The following GPM6A variants were observed in gnomAD, a reference collection of about 807,000 sequenced individuals.
GPM6A encodes the protein neuronal membrane glycoprotein M6-a.
In GPM6A, 7 loss-of-function variants were observed where a neutral mutation model predicts 32.1. That is an observed-to-expected ratio of 0.22 (90% CI 0.12 to 0.41). The LOEUF (loss-of-function observed/expected upper bound fraction) is 0.41. Among genes scored for constraint, GPM6A ranks in the 10% least tolerant of loss-of-function variants. The probability of loss-of-function intolerance (pLI) is 1.00; values close to 1 mark genes in which losing one functional copy is unlikely to be tolerated. For synonymous variants in GPM6A, 130 were observed against 123.4 expected (o/e 1.05, Z -0.35); for missense variants, 235 against 347.2 (o/e 0.68, Z 2.57).
At chr4:175,703,296 C>T (rs552752480) in intron 1 of GPM6A, among the ~76,000 whole-genome samples, 2 of 152,116 alleles carry the variant, frequency 1.3e-5, no homozygotes, top group East Asian at 1.9e-4. Context: ...CTCAGCCTCC[C>T]GAGTAGCTGG....
At chr4:175,789,564 A>G (rs1409100195) in intron 1 of GPM6A, among the ~76,000 whole-genome samples, 1 of 152,212 alleles carries the variant, frequency 6.6e-6, no homozygotes, top group Non-Finnish European at 1.5e-5. Flanking sequence ...GGTATGAGAA[A>G]TCAGGGAACA....
intron 1 of GPM6A, among the ~76,000 whole-genome samples, chr4:175,855,213 A>C (rs1487287425): frequency 2.6e-5 from 4 of 152,228 alleles, no homozygotes; most frequent in African/African-American, 9.6e-5. Flanking sequence ...CTCAAAAAGA[A>C]AGAAAATAAT....
At chr4:175,865,565 A>G (rs760106590) in intron 1 of GPM6A, among the ~76,000 whole-genome samples, 2 of 152,166 alleles carry the variant, frequency 1.3e-5, no homozygotes, top group Non-Finnish European at 2.9e-5. Context: ...CATGAACATG[A>G]TATATTTCTT....
chr4:175,695,594 A>G (rs1744533333), intron 2 of GPM6A, among the ~76,000 whole-genome samples: 1 of 152,226 alleles, frequency 6.6e-6, no homozygotes, highest in Admixed American at 6.5e-5. Context: ...TATTTACCCA[A>G]TGCCTGTAAC....
At chr4:175,835,628 T>TAA (rs1491310673) in intron 1 of GPM6A, among the ~76,000 whole-genome samples, 1 of 41,514 alleles carries the variant, frequency 2.4e-5, no homozygotes, top group Non-Finnish European at 5.9e-5. Flanking sequence ...TGAGTGTGTG[T>TAA]ATATATATAT....
chr4:175,782,313 G>A (rs1733642459), intron 1 of GPM6A, among the ~76,000 whole-genome samples: 1 of 151,838 alleles, frequency 6.6e-6, no homozygotes, highest in African/African-American at 2.4e-5. Context: ...TTTTCATTAT[G>A]GAATATCACG....
At chr4:175,960,951 G>A (rs1454561954) in intron 1 of GPM6A, among the ~76,000 whole-genome samples, 1 of 152,124 alleles carries the variant, frequency 6.6e-6, no homozygotes, top group Admixed American at 6.6e-5. Flanking sequence ...ATGAATTAGG[G>A]ACAAAAGCAA....
chr4:175,989,941 G>A (rs1741086595), intron 1 of GPM6A, among the ~76,000 whole-genome samples: 2 of 152,152 alleles, frequency 1.3e-5, no homozygotes, highest in African/African-American at 2.4e-5. Context: ...AAGAAGTGGT[G>A]TAACATCTAT....
At chr4:175,826,371 G>C (rs963865424) in intron 1 of GPM6A, among the ~76,000 whole-genome samples, 1 of 151,622 alleles carries the variant, frequency 6.6e-6, no homozygotes, top group African/African-American at 2.4e-5. Context: ...TTAGGGACAA[G>C]ATTGAGACAC....
intron 1 of GPM6A, among the ~76,000 whole-genome samples, chr4:175,782,093 G>A (rs12641890): frequency 0.97 from 147,721 of 152,198 alleles, 71,856 homozygotes; most frequent in East Asian, 1. Flanking sequence ...GTAAGGCTCT[G>A]TAAGTGCTGG....
In GPM6A at chr4:175,648,404, T is replaced by G. The variant is rs536040214; in HGVS notation, c.541+3430A>C. On this transcript the variant is annotated intron_variant, in intron 4 of 6. Transcript: ENST00000393658. ...CAGAATTGTCAGGGAGAGGCAACTT[T>G]GCTGGCTTTGACAGAAAATGGACTG... Among the ~76,000 whole-genome samples, 13 of 152,304 alleles carry G rather than the reference T, an allele frequency of 8.5e-5. No homozygotes were observed. The South Asian group carries it at 2.7e-3, about 32-fold the overall frequency.
intron 1 of GPM6A, among the ~76,000 whole-genome samples, chr4:175,958,558 T>C (rs979553978): frequency 6.6e-6 from 1 of 152,200 alleles, no homozygotes; most frequent in African/African-American, 2.4e-5. Context: ...TAAACAAAGG[T>C]ATTGGTCTTC....
intron 1 of GPM6A, among the ~76,000 whole-genome samples, chr4:175,940,484 C>T (rs1388803091): frequency 6.6e-6 from 1 of 152,074 alleles, no homozygotes; most frequent in East Asian, 1.9e-4. Context: ...ATTTCTAATA[C>T]TCTAAAAGTT....
intron 1 of GPM6A, among the ~76,000 whole-genome samples, chr4:175,861,437 A>C (rs964927644): frequency 6.7e-5 from 10 of 149,548 alleles, no homozygotes; most frequent in Admixed American, 2.0e-4. Context: ...ATTCAAACTA[A>C]AAAAAAAAAC....
At chr4:175,806,249 G>A (rs1734690666) in intron 1 of GPM6A, among the ~76,000 whole-genome samples, 1 of 152,102 alleles carries the variant, frequency 6.6e-6, no homozygotes, top group South Asian at 2.1e-4. Flanking sequence ...GATGAATTAA[G>A]GAATAATTAA....
intron 1 of GPM6A, among the ~76,000 whole-genome samples, chr4:175,737,351 T>C (rs368730569): frequency 6.6e-6 from 1 of 151,998 alleles, no homozygotes. Context: ...CCTGCACGCC[T>C]GTAATCCTGT....
At chr4:175,714,046 G>T (rs976330150) in intron 1 of GPM6A, among the ~76,000 whole-genome samples, 1 of 151,646 alleles carries the variant, frequency 6.6e-6, no homozygotes, top group Non-Finnish European at 1.5e-5. Context: ...TTACCTATTT[G>T]TGGATGGGTA....
At chr4:175,653,501 A>C (rs1174704637) in intron 3 of GPM6A, among the ~76,000 whole-genome samples, 8 of 152,198 alleles carry the variant, frequency 5.3e-5, no homozygotes, top group Non-Finnish European at 1.0e-4. Context: ...TATACTTTAT[A>C]CATCTAAGAT....
chr4:175,911,320 C>T (rs1738308785), intron 1 of GPM6A, among the ~76,000 whole-genome samples: 1 of 152,270 alleles, frequency 6.6e-6, no homozygotes, highest in East Asian at 1.9e-4. Context: ...CAAAACTCCT[C>T]TCTCCATCTC....
Sources: gnomAD v4.1 joint callset for allele counts (sites outside exome capture counted in the v4.1 genomes callset) on GRCh38, gnomAD v4.1.1 for gene constraint, MANE v1.5 for transcripts, NCBI Gene and HGNC (gene_info 2026-07-23, HGNC 2026-07-21) for gene names.